The following CLASP1 variants were observed in gnomAD, a reference collection of about 807,000 sequenced individuals.
The protein encoded by CLASP1 is CLIP-associating protein 1.
A neutral mutation model predicts 192.3 loss-of-function variants in CLASP1; 38 were observed. The observed-to-expected ratio is 0.20, with a 90% CI of 0.15 to 0.26. CLASP1 has a LOEUF of 0.26. Ranked by LOEUF, CLASP1 falls within the 10% of genes least tolerant of loss-of-function variation. The pLI is 1.00. For synonymous variants in CLASP1, 691 were observed against 712.8 expected, an observed-to-expected ratio of 0.97 and a Z score of 0.49; for missense variants, 1,433 against 1,932.5, an observed-to-expected ratio of 0.74 and a Z score of 4.85.
chr2:121,511,364 G>A (rs1021030722), intron 7 of CLASP1, among the ~76,000 whole-genome samples: 1 of 152,098 alleles, frequency 6.6e-6, no homozygotes, highest in Non-Finnish European at 1.5e-5. Context: ...CGAGGCGGGT[G>A]GATCACCTGA....
intron 30 of CLASP1, among the ~76,000 whole-genome samples, chr2:121,394,811 C>A (rs899959615): frequency 7.2e-5 from 11 of 152,066 alleles, no homozygotes; most frequent in Non-Finnish European, 1.5e-4. Flanking sequence ...ACCCGGGAGG[C>A]GGAGGTTGCA....
At chr2:121,623,428 G>T (rs1312222129) in intron 1 of CLASP1, among the ~76,000 whole-genome samples, 1 of 152,194 alleles carries the variant, frequency 6.6e-6, no homozygotes, top group Non-Finnish European at 1.5e-5. Context: ...GCTATGTTCA[G>T]TTTGCAAGTA....
intron 1 of CLASP1, among the ~76,000 whole-genome samples, chr2:121,624,959 T>C (rs1012472138): frequency 6.6e-6 from 1 of 152,238 alleles, no homozygotes; most frequent in African/African-American, 2.4e-5. Flanking sequence ...TTTTCACATA[T>C]TCTGAATTCC....
intron 37 of CLASP1, among the ~76,000 whole-genome samples, chr2:121,354,240 C>G (rs2065009296): frequency 2.0e-5 from 3 of 152,120 alleles, no homozygotes; most frequent in Admixed American, 6.5e-5. Flanking sequence ...TCTACTGTAC[C>G]AGGCCCAGAG....
chr2:121,386,439 A>T (rs2073208318), intron 32 of CLASP1, among the ~76,000 whole-genome samples: 1 of 152,206 alleles, frequency 6.6e-6, no homozygotes, highest in African/African-American at 2.4e-5. Context: ...GGCCATGGGT[A>T]ACTCCCAGCC....
chr2:121,638,397 C>A (rs2071319500), intron 1 of CLASP1, among the ~76,000 whole-genome samples: 1 of 152,226 alleles, frequency 6.6e-6, no homozygotes, highest in Non-Finnish European at 1.5e-5. Flanking sequence ...GGTACAGCCA[C>A]TGTGAAAAAC....
chr2:121,570,168 C>T (rs1419460495), intron 2 of CLASP1, among the ~76,000 whole-genome samples: 1 of 152,204 alleles, frequency 6.6e-6, no homozygotes, highest in African/African-American at 2.4e-5. Flanking sequence ...CTGTTCTCTC[C>T]TCTCTCCCTC....
At chr2:121,623,412 T>G (rs1416522557) in intron 1 of CLASP1, among the ~76,000 whole-genome samples, 1 of 152,234 alleles carries the variant, frequency 6.6e-6, no homozygotes, top group Non-Finnish European at 1.5e-5. Flanking sequence ...ATTCTTCCGA[T>G]ATGTTGCTAT....
intron 24 of CLASP1, chr2:121,407,947 A>G (rs748306220): frequency 2.7e-5 from 17 of 636,418 alleles, no homozygotes; most frequent in Non-Finnish European, 4.4e-5. Flanking sequence ...GGCCTCTAGT[A>G]AAGTGCGTAG....
intron 1 of CLASP1, among the ~76,000 whole-genome samples, chr2:121,643,810 G>A (rs2072605346): frequency 6.6e-6 from 1 of 152,136 alleles, no homozygotes; most frequent in East Asian, 1.9e-4. Flanking sequence ...ATTTGTAAAA[G>A]CTAATGATAT....
At chr2:121,366,276 A>G (rs2067386844) in intron 35 of CLASP1, among the ~76,000 whole-genome samples, 2 of 152,226 alleles carry the variant, frequency 1.3e-5, no homozygotes. Context: ...CACTTCTCCC[A>G]GGAAGTGCCA....
intron 1 of CLASP1, among the ~76,000 whole-genome samples, chr2:121,611,428 G>T (rs560503225): frequency 6.9e-6 from 1 of 144,344 alleles, no homozygotes; most frequent in Admixed American, 6.8e-5. Context: ...GGAGAAAGAG[G>T]AACTGGAGGA....
rs556632779 is a variant in CLASP1 at position 121,531,723 on chromosome 2, C to A, written c.196-1398G>T. 3.3e-5 allele frequency among the ~76,000 whole-genome samples: 5 copies of A among 152,064 alleles called. No homozygotes were observed. The East Asian group carries it at 9.7e-4, about 29-fold the overall frequency. On this transcript the variant is annotated intron_variant, in intron 2 of 39. Transcript: ENST00000263710. ...TCTCTACTAAAAATACAAAAATTAGCTGGGCGTGGCGGCGCATGCCTGTAG... is the reference window on the plus strand; with the variant it reads ...TCTCTACTAAAAATACAAAAATTAGATGGGCGTGGCGGCGCATGCCTGTAG...
chr2:121,465,373 A>G (rs1364871644), intron 9 of CLASP1, among the ~76,000 whole-genome samples: 2 of 152,238 alleles, frequency 1.3e-5, no homozygotes, highest in Non-Finnish European at 1.5e-5. Flanking sequence ...TTATACACCA[A>G]TAACAGACAA....
intron 35 of CLASP1, among the ~76,000 whole-genome samples, chr2:121,366,079 C>CT (rs2067351936): frequency 6.6e-6 from 1 of 152,202 alleles, no homozygotes; most frequent in South Asian, 2.1e-4. Context: ...GATTGGGTAG[C>CT]AAACACACAA....
At chr2:121,601,663 G>A (rs1340318483) in intron 2 of CLASP1, among the ~76,000 whole-genome samples, 5 of 152,050 alleles carry the variant, frequency 3.3e-5, no homozygotes, top group Non-Finnish European at 7.3e-5. Flanking sequence ...AGAGCAATTA[G>A]GCAAGAGAAA....
chr2:121,387,580 C>G (rs192337126), intron 31 of CLASP1, among the ~76,000 whole-genome samples, 183 bp downstream of exon 32: 1 of 152,126 alleles, frequency 6.6e-6, no homozygotes, highest in Non-Finnish European at 1.5e-5. Context: ...TGAGAAAAAA[C>G]GGCATACTTA....
intron 1 of CLASP1, among the ~76,000 whole-genome samples, chr2:121,609,068 C>G (rs1409160342): frequency 6.6e-6 from 1 of 152,146 alleles, no homozygotes; most frequent in Non-Finnish European, 1.5e-5. Context: ...CAATGAGTTT[C>G]CTTTCCCCAC....
chr2:121,391,771 G>T (rs962564747), intron 30 of CLASP1, among the ~76,000 whole-genome samples: 5 of 152,138 alleles, frequency 3.3e-5, no homozygotes, highest in Non-Finnish European at 7.4e-5. Flanking sequence ...GGGTGTGGTG[G>T]CATGTGCCTG....
Sources: gnomAD v4.1 joint callset for allele counts (sites outside exome capture counted in the v4.1 genomes callset) on GRCh38, gnomAD v4.1.1 for gene constraint, MANE v1.5 for transcripts, NCBI Gene and HGNC (gene_info 2026-07-23, HGNC 2026-07-21) for gene names.